Variants in ZUP1 observed in about 807,000 individuals in gnomAD.
The protein encoded by ZUP1 is zinc finger-containing ubiquitin peptidase 1.
In ZUP1, 55 loss-of-function variants were observed where a neutral mutation model predicts 68.1. The observed-to-expected ratio is 0.81, with a 90% CI of 0.65 to 1.01. ZUP1 has a LOEUF of 1.01. ZUP1 is among the 50% of genes least tolerant of loss of function. The probability of loss-of-function intolerance (pLI) is 0.00; values close to 1 mark genes in which losing one functional copy is unlikely to be tolerated. For synonymous variants in ZUP1, 223 were observed against 221.5 expected, an observed-to-expected ratio of 1.01 and a Z score of -0.06; for missense variants, 684 against 674.9, an observed-to-expected ratio of 1.01 and a Z score of -0.15.
chr6:116,654,895 G>C (rs1396030461), intron 5 of ZUP1, among the ~76,000 whole-genome samples: 1 of 152,042 alleles, frequency 6.6e-6, no homozygotes, highest in Non-Finnish European at 1.5e-5. Flanking sequence ...GAAATACACT[G>C]GTGTGAATGT....
intron 4 of ZUP1, among the ~76,000 whole-genome samples, chr6:116,657,384 A>G (rs576524987): frequency 2.6e-5 from 4 of 152,270 alleles, no homozygotes; most frequent in African/African-American, 9.6e-5. Context: ...CTACAGAAAA[A>G]TTTTCTGAGA....
At chr6:116,647,721 T>C in intron 7 of ZUP1, 111 bp from the exon 8 acceptor site, 1 of 799,228 alleles carries the variant, frequency 1.3e-6, no homozygotes, top group Non-Finnish European at 1.7e-6. Context: ...TTCTAGCCAT[T>C]ACTTTCCTAT....
intron 2 of ZUP1, among the ~76,000 whole-genome samples, chr6:116,663,326 A>G (rs1174846201): frequency 6.6e-6 from 1 of 152,180 alleles, no homozygotes; most frequent in Non-Finnish European, 1.5e-5. Context: ...TTCCCTTAAA[A>G]ACACCTGCAA....
intron 2 of ZUP1, among the ~76,000 whole-genome samples, chr6:116,665,312 A>G (rs1429531490): frequency 6.6e-6 from 1 of 152,188 alleles, no homozygotes; most frequent in East Asian, 1.9e-4. Flanking sequence ...ACATAGAGTA[A>G]TTCAAATGTA....
At chr6:116,659,545 G>A (rs965970288) in intron 3 of ZUP1, among the ~76,000 whole-genome samples, 5 of 151,506 alleles carry the variant, frequency 3.3e-5, no homozygotes, top group South Asian at 2.1e-4. Flanking sequence ...ATTTTAAAAC[G>A]TTAAGTAACA....
chr6:116,644,974 G>C (rs1449651279), intron 9 of ZUP1, among the ~76,000 whole-genome samples: 1 of 151,936 alleles, frequency 6.6e-6, no homozygotes, highest in Non-Finnish European at 1.5e-5. Context: ...TTTTGCAAGG[G>C]ATTCAGACAC....
At chr6:116,646,084 T>A in intron 8 of ZUP1, 150 bp from the exon 9 acceptor site, 1 of 505,138 alleles carries the variant, frequency 2.0e-6, no homozygotes, top group Non-Finnish European at 3.3e-6. Context: ...TCCTAAGACG[T>A]AAGAGTTTAG....
At position 116,647,578 on chromosome 6, in the gene ZUP1, C is replaced by G; in HGVS notation, c.1349G>C (p.Gly450Ala). The G allele has an allele frequency of 6.3e-7, 1 of 1,582,054 alleles. No individual in the cohort carries two copies. The highest frequency in any genetic ancestry group is 8.6e-7 in the Non-Finnish European group (1 of 1,158,800). ...TAAGCGAGGGTGTGTACCCAAAGGA[C>G]CAGTTGATTTGTGAAAATCAACAAT... ...CHIVDFHKST[G>A]PLGTHPRLFE... Residue 450 changes from glycine to alanine, a missense_variant, in exon 8 of 10, where the codon GGT becomes GCT. Coordinates refer to ENST00000368576, the MANE Select transcript of ZUP1 (RefSeq NM_145062.3).
chr6:116,650,818 G>A (rs1432498903), intron 7 of ZUP1, among the ~76,000 whole-genome samples: 3 of 152,148 alleles, frequency 2.0e-5, no homozygotes, highest in East Asian at 3.8e-4. Flanking sequence ...ACCCCATGGT[G>A]AAATTTCATA....
intron 1 of ZUP1, among the ~76,000 whole-genome samples, chr6:116,667,973 T>A (rs1777061013): frequency 6.6e-6 from 1 of 152,134 alleles, no homozygotes; most frequent in Non-Finnish European, 1.5e-5. Context: ...ATTTTTGGAT[T>A]TTATGGACAA....
At chr6:116,662,127 C>T (rs1355168019) in intron 2 of ZUP1, among the ~76,000 whole-genome samples, 1 of 152,106 alleles carries the variant, frequency 6.6e-6, no homozygotes, top group Non-Finnish European at 1.5e-5. Context: ...GTATTAAGTA[C>T]TCAGAAAATA....
At chr6:116,641,183 A>G (rs1776085781) in intron 9 of ZUP1, among the ~76,000 whole-genome samples, 1 of 149,610 alleles carries the variant, frequency 6.7e-6, no homozygotes, top group South Asian at 2.2e-4. Context: ...ACCCAGATTC[A>G]TAAAGCAAGT....
chr6:116,662,726 C>G (rs895261211), intron 2 of ZUP1, among the ~76,000 whole-genome samples: 5 of 152,168 alleles, frequency 3.3e-5, no homozygotes, highest in African/African-American at 1.2e-4. Flanking sequence ...ATTTTCTCTA[C>G]AGCCCCCTAA....
intron 7 of ZUP1, among the ~76,000 whole-genome samples, chr6:116,649,558 G>A (rs1776416579): frequency 6.6e-6 from 1 of 152,104 alleles, no homozygotes; most frequent in African/African-American, 2.4e-5. Context: ...GAACAGTGAG[G>A]CTAAAAATAT....
chr6:116,658,668 T>C (rs936247152), intron 4 of ZUP1, 135 bp downstream of exon 4: 34 of 767,724 alleles, frequency 4.4e-5, no homozygotes, highest in Non-Finnish European at 5.8e-5. Flanking sequence ...AATGAATATT[T>C]ATAAATGGTG....
intron 4 of ZUP1, 127 bp downstream of exon 4, chr6:116,658,676 G>A (rs1051147970): frequency 1.3e-6 from 1 of 787,872 alleles, no homozygotes; most frequent in Non-Finnish European, 1.9e-6. Flanking sequence ...TTTATAAATG[G>A]TGTCTGTTAC....
chr6:116,651,034 G>A (rs1215555897), intron 7 of ZUP1, among the ~76,000 whole-genome samples: 5 of 152,140 alleles, frequency 3.3e-5, no homozygotes, highest in Non-Finnish European at 5.9e-5. Context: ...GGATGTGTCC[G>A]AGAATAAGGA....
At chr6:116,648,245 C>T (rs1776375562) in intron 7 of ZUP1, among the ~76,000 whole-genome samples, 1 of 152,074 alleles carries the variant, frequency 6.6e-6, no homozygotes, top group Non-Finnish European at 1.5e-5. Flanking sequence ...TTTTTTTAAC[C>T]AGAAACACTG....
chr6:116,662,935 G>A (rs1210461052), intron 2 of ZUP1, among the ~76,000 whole-genome samples: 1 of 152,086 alleles, frequency 6.6e-6, no homozygotes, highest in East Asian at 1.9e-4. Context: ...TACTAAAAAT[G>A]TTAACACCTG....
Sources: allele counts gnomAD v4.1 joint callset (sites outside exome capture counted in the v4.1 genomes callset), GRCh38; gene constraint gnomAD v4.1.1; transcripts MANE v1.5; gene names NCBI Gene and HGNC (gene_info 2026-07-23, HGNC 2026-07-21).